The following SFXN2 variants were observed in gnomAD, a reference collection of about 807,000 sequenced individuals.
The protein encoded by SFXN2 is sideroflexin 2.
SFXN2 carries 37 observed loss-of-function variants against 41.9 expected under a neutral mutation model. The ratio of observed to expected loss-of-function variants is 0.88; its 90% confidence interval spans 0.68 to 1.16. SFXN2 has a LOEUF of 1.16. Ranked by LOEUF, SFXN2 falls within the 50% of genes most tolerant of loss-of-function variation. The pLI is 0.00. For missense variants in SFXN2, 386 were observed against 425.2 expected (o/e 0.91, Z 0.81); for synonymous variants, 150 against 156.7 (o/e 0.96, Z 0.32).
In SFXN2 at chr10:102,738,944, T is replaced by C. The variant is rs760079554; in HGVS notation, c.*1182T>C. 3 of 152,674 alleles carry C rather than the reference T, an allele frequency of 2.0e-5. No homozygotes were observed. Among genetic ancestry groups the C allele is most frequent in the Non-Finnish European group, 4.4e-5 (3 of 68,048 alleles). The allele number at this position is 152,674 out of a possible 1,614,324, so 9.5% of individuals were successfully genotyped here. A position where few individuals can be genotyped will look rare whatever the true frequency, so the allele number is the denominator to read the frequency against. On this transcript the variant is annotated 3_prime_UTR_variant, in exon 12 of 12. Coordinates refer to ENST00000369893, the MANE Select transcript of SFXN2 (RefSeq NM_178858.6). Reference sequence around the variant, plus strand: ...CTGAATAGGAAAGGGAAGTTTTATTTGGAACCTTCTAAGAGGAAATCAACC... The same window carrying C: ...CTGAATAGGAAAGGGAAGTTTTATTCGGAACCTTCTAAGAGGAAATCAACC...
chr10:102,737,733 C>G lies in SFXN2; in HGVS notation c.940C>G (p.Pro314Ala), dbSNP rs779975385. Residue 314 changes from proline to alanine, a missense_variant, in exon 12 of 12, where the codon CCT (proline) becomes GCT (alanine). Physicochemically the swap from Pro to Ala is conservative, Grantham distance 27. Transcript: ENST00000369893. ...CAAGGCCAAGTATGGAGAACTTGAG[C>G]CTTATGTCTACTTCAATAAGGGTCT... is the stretch of plus-strand genomic sequence containing the variant. ...TIKAKYGELE[P>A]YVYFNKGL The G allele has an allele frequency of 6.2e-7, 1 of 1,612,748 alleles. No homozygotes were observed. Among genetic ancestry groups the G allele is most frequent in the Non-Finnish European group, 8.5e-7 (1 of 1,178,934 alleles).
chr10:102,737,146 C>T (rs1466506900), intron 11 of SFXN2, among the ~76,000 whole-genome samples: 1 of 151,924 alleles, frequency 6.6e-6, no homozygotes. Context: ...AAGAGTGAAA[C>T]TCCATCTCAA....
intron 8 of SFXN2, among the ~76,000 whole-genome samples, chr10:102,732,545 CA>C (rs1357020758): frequency 6.6e-6 from 1 of 152,146 alleles, no homozygotes; most frequent in Non-Finnish European, 1.5e-5. Flanking sequence ...GGGTGTATTG[CA>C]AAATTTGTTT....
chr10:102,733,657 G>GT lies in SFXN2; in HGVS notation c.821+55dup, dbSNP rs1422466403. 1.2e-5 allele frequency: 17 copies of GT among 1,454,002 alleles called. No homozygotes were observed. In the African/African-American group the frequency reaches 2.2e-4, roughly 19 times the overall value. 90.1% of individuals were successfully genotyped at this position (1,454,002 alleles called of 1,614,324 possible). On this transcript the variant is annotated intron_variant, in intron 10 of 11. Transcript: ENST00000369893. ...TCTGCGTGGCTGGAGCACTCAAGAT[G>GT]TGTCGTCTTGTCTAGCCCGTGTTGG... is the stretch of plus-strand genomic sequence containing the variant.
chr10:102,726,365 T>TGTC, intron 1 of SFXN2: 1 of 469,146 alleles, frequency 2.1e-6, no homozygotes, highest in Admixed American at 3.5e-5. Flanking sequence ...GGCACTGTAT[T>TGTC]GTCCCCTTTT....
rs1275313695 is a variant in SFXN2 at position 102,734,603 on chromosome 10, T to G, written c.821+1000T>G. Among the ~76,000 whole-genome samples, 1 of 152,226 alleles carries G rather than the reference T, an allele frequency of 6.6e-6. No homozygotes were observed. The highest frequency in any genetic ancestry group is 1.5e-5 in the Non-Finnish European group (1 of 68,044). On this transcript the variant is annotated intron_variant, in intron 10 of 11. Transcript: ENST00000369893. The surrounding 1 kb of genome is among the most constrained non-coding windows in gnomAD (Gnocchi z 4.1). ...TTATGCTATACCAACTTCTGCTAAT[T>G]GAGTAGTTACCATGGGCTGGGTGCT...
At chr10:102,732,555 T>C (rs1386604826) in intron 8 of SFXN2, among the ~76,000 whole-genome samples, 2 of 152,216 alleles carry the variant, frequency 1.3e-5, no homozygotes, top group East Asian at 3.8e-4. Flanking sequence ...CAAAATTTGT[T>C]TGCACGAACG....
intron 11 of SFXN2, among the ~76,000 whole-genome samples, chr10:102,736,423 ATT>A (rs35797507): frequency 3.2e-5 from 4 of 124,752 alleles, no homozygotes; most frequent in Admixed American, 8.1e-5. Flanking sequence ...TGCCCAGCTC[ATT>A]TTTTTTTTTT....
chr10:102,728,179 G>C (rs1327099794), intron 3 of SFXN2, among the ~76,000 whole-genome samples: 3 of 152,120 alleles, frequency 2.0e-5, no homozygotes, highest in African/African-American at 7.2e-5. Context: ...TGTGCCTGTA[G>C]TCCCAGCCAC....
rs368893496 is a variant in SFXN2 at position 102,729,727 on chromosome 10, C to T, written c.512C>T (p.Ala171Val). 6.2e-6 allele frequency: 10 copies of T among 1,613,762 alleles called. No individual in the cohort carries two copies. In the African/African-American group the frequency reaches 6.7e-5, roughly 11 times the overall value. Residue 171 changes from alanine to valine, a missense_variant, in exon 6 of 12, where the codon GCG (alanine) becomes GTG (valine). Physicochemically the swap from Ala to Val is moderately conservative, Grantham distance 64. Coordinates refer to ENST00000369893, the MANE Select transcript of SFXN2 (RefSeq NM_178858.6). ...AVGMNMLTKK[A>V]PPLVGRWVPF... is the part of the protein sequence containing the mutation. ...ACTGTTCTCTTCCCCCAACAGAAAGCGCCGCCCTTGGTGGGCCGCTGGGTG... is the reference window on the plus strand; with the variant it reads ...ACTGTTCTCTTCCCCCAACAGAAAGTGCCGCCCTTGGTGGGCCGCTGGGTG...
chr10:102,731,467 C>G (rs1317533915), intron 6 of SFXN2, among the ~76,000 whole-genome samples: 1 of 152,104 alleles, frequency 6.6e-6, no homozygotes, highest in East Asian at 1.9e-4. Context: ...AGACTGTGCT[C>G]AAGGTCACAC....
chr10:102,717,962 A>G (rs1250433288), intron 1 of SFXN2, among the ~76,000 whole-genome samples: 1 of 152,234 alleles, frequency 6.6e-6, no homozygotes. Flanking sequence ...AGGATGCTGT[A>G]GGAGTATATA....
chr10:102,719,357 G>A (rs2064468816), intron 1 of SFXN2, among the ~76,000 whole-genome samples: 1 of 151,584 alleles, frequency 6.6e-6, no homozygotes, highest in African/African-American at 2.4e-5. Flanking sequence ...GAATAGCTAG[G>A]ATGATAGGTG....
At chr10:102,722,688 A>G (rs1383346960) in intron 1 of SFXN2, among the ~76,000 whole-genome samples, 3 of 151,726 alleles carry the variant, frequency 2.0e-5, no homozygotes, top group Non-Finnish European at 2.9e-5. Flanking sequence ...CCACAGGCAC[A>G]TGCAACCACG....
intron 7 of SFXN2, among the ~76,000 whole-genome samples, 163 bp from the exon 8 acceptor site, chr10:102,731,989 T>C (rs559547881): frequency 1.3e-5 from 2 of 152,334 alleles, no homozygotes; most frequent in African/African-American, 4.8e-5. Context: ...CATAAAAACC[T>C]GGCTAGGTGG....
chr10:102,733,798 G>A (rs2064736722), intron 10 of SFXN2, among the ~76,000 whole-genome samples, 195 bp downstream of exon 10: 1 of 152,178 alleles, frequency 6.6e-6, no homozygotes, highest in South Asian at 2.1e-4. Context: ...TAGACTTTAT[G>A]CACGTGTCCA....
intron 1 of SFXN2, among the ~76,000 whole-genome samples, chr10:102,717,239 C>T (rs1292964571): frequency 6.6e-6 from 1 of 151,262 alleles, no homozygotes; most frequent in African/African-American, 2.4e-5. Flanking sequence ...TCAAGCGATC[C>T]TCCTTCCTCA....
chr10:102,731,479 C>G (rs1329922685), intron 6 of SFXN2, among the ~76,000 whole-genome samples: 7 of 152,134 alleles, frequency 4.6e-5, no homozygotes, highest in African/African-American at 1.7e-4. Context: ...AGGTCACACA[C>G]ATCCCCTGCA....
intron 5 of SFXN2, 152 bp from the exon 6 acceptor site, chr10:102,729,571 C>T: frequency 9.0e-7 from 1 of 1,116,434 alleles, no homozygotes. Flanking sequence ...CTTCTTGGGC[C>T]TTTGAGGGAG....
Sources: allele counts gnomAD v4.1 joint callset (sites outside exome capture counted in the v4.1 genomes callset), GRCh38; gene constraint gnomAD v4.1.1; non-coding constraint Gnocchi (gnomAD v3.1); transcripts MANE v1.5; gene names NCBI Gene and HGNC (gene_info 2026-07-23, HGNC 2026-07-21).